The following HYDIN variants were observed in gnomAD, a reference collection of about 807,000 sequenced individuals.
HYDIN encodes the protein HYDIN axonemal central pair apparatus protein, also known as axonemal central pair apparatus protein HYDIN.
Under a neutral mutation model 403.9 loss-of-function variants are expected in HYDIN, and 132 were observed. The ratio of observed to expected loss-of-function variants is 0.33; its 90% CI spans 0.28 to 0.38. The LOEUF (loss-of-function observed/expected upper bound fraction) is 0.38. HYDIN is among the 10% of genes least tolerant of loss of function. The pLI is 1.00. For missense variants in HYDIN, 2,827 were observed against 5,009.5 expected, an observed-to-expected ratio of 0.56 and a Z score of 13.15; for synonymous variants, 1,202 against 1,891.7, an observed-to-expected ratio of 0.64 and a Z score of 9.46.
chr16:70,807,922 G>A lies in HYDIN; in HGVS notation c.15024C>T (p.Leu5008=), dbSNP rs917610916. The A allele has an allele frequency of 1.5e-5, 24 of 1,614,038 alleles. No individual in the cohort carries two copies. The highest frequency in any genetic ancestry group is 8.0e-5 in the African/African-American group (6 of 74,906). The part of the protein sequence containing the change: ...ETKGILILSS[L]AGGEYIIPLF... ...GGGGGATGATATACTCTCCACCTGCGAGCGATGATAGGATCAGGATGCCCT... is the reference window on the plus strand; with the variant it reads ...GGGGGATGATATACTCTCCACCTGCAAGCGATGATAGGATCAGGATGCCCT... Residue 5008 remains leucine (L), a synonymous_variant, in exon 86 of 86, where the codon CTC becomes CTT. Transcript: ENST00000393567.
At chr16:70,930,877 T>C (rs2077299865) in intron 45 of HYDIN, among the ~76,000 whole-genome samples, 2 of 152,208 alleles carry the variant, frequency 1.3e-5, no homozygotes, top group Non-Finnish European at 1.5e-5. Context: ...CAGGATGTGA[T>C]ACAAAATTAC....
intron 1 of HYDIN, among the ~76,000 whole-genome samples, chr16:71,194,526 A>G (rs945283087): frequency 6.6e-6 from 1 of 152,226 alleles, no homozygotes; most frequent in Admixed American, 6.5e-5. Context: ...CATCAGACCT[A>G]GGTTTAAATC....
chr16:70,854,297 C>A (rs2038872932), intron 73 of HYDIN, among the ~76,000 whole-genome samples: 1 of 137,710 alleles, frequency 7.3e-6, no homozygotes, highest in Non-Finnish European at 1.6e-5. Flanking sequence ...TGCAGTGGTG[C>A]AATCTCAGCT....
At chr16:71,184,789 A>G in intron 3 of HYDIN, 76 bp downstream of exon 3, 2 of 1,330,580 alleles carry the variant, frequency 1.5e-6, no homozygotes, top group Non-Finnish European at 2.0e-6. Flanking sequence ...CAAGAAACAA[A>G]TTTTACTTAT....
chr16:71,074,722 A>G (rs919913358), intron 13 of HYDIN, among the ~76,000 whole-genome samples: 2 of 151,148 alleles, frequency 1.3e-5, no homozygotes, highest in African/African-American at 4.9e-5. Context: ...AAAAAAAAAA[A>G]AAAAAAGAAA....
intron 5 of HYDIN, among the ~76,000 whole-genome samples, chr16:71,172,551 G>A (rs2086509930): frequency 6.6e-6 from 1 of 152,062 alleles, no homozygotes; most frequent in Non-Finnish European, 1.5e-5. Context: ...GGAGAGAGAA[G>A]GAAAGCCAAA....
chr16:70,887,214 G>C (rs892158296), intron 58 of HYDIN, among the ~76,000 whole-genome samples: 11 of 152,158 alleles, frequency 7.2e-5, no homozygotes, highest in Admixed American at 6.5e-4. Context: ...TGGAACCTGT[G>C]AATATGTTAC....
chr16:71,106,166 TCC>T (rs1194693300), intron 10 of HYDIN, among the ~76,000 whole-genome samples: 2 of 136,334 alleles, frequency 1.5e-5, no homozygotes, highest in African/African-American at 7.1e-5. Flanking sequence ...CTTCCCTCCC[TCC>T]CTCTCTCTCT....
At chr16:70,812,485 CACAA>C (rs891836231) in intron 84 of HYDIN, among the ~76,000 whole-genome samples, 18 of 151,918 alleles carry the variant, frequency 1.2e-4, no homozygotes, top group African/African-American at 3.6e-4. Context: ...GAGACTCTGT[CACAA>C]ACAAACAAAC....
chr16:71,200,122 G>A (rs1292927781), intron 1 of HYDIN, among the ~76,000 whole-genome samples: 1 of 152,198 alleles, frequency 6.6e-6, no homozygotes, highest in African/African-American at 2.4e-5. Context: ...AAAATGCCAT[G>A]ACAACATCAG....
intron 67 of HYDIN, among the ~76,000 whole-genome samples, chr16:70,863,449 G>T (rs571040579): frequency 5.9e-5 from 9 of 152,066 alleles, no homozygotes; most frequent in African/African-American, 2.2e-4. Flanking sequence ...CCTGTGCAGC[G>T]AGCTCTCAGC....
intron 10 of HYDIN, among the ~76,000 whole-genome samples, chr16:71,106,032 C>T (rs2083603130): frequency 6.6e-6 from 1 of 151,950 alleles, no homozygotes; most frequent in South Asian, 2.1e-4. Context: ...CCATAACATG[C>T]TTAGGGTGCT....
At chr16:71,090,075 CT>C (rs2083068259) in intron 11 of HYDIN, 1 of 104,518 alleles carries the variant, frequency 9.6e-6, no homozygotes, top group Non-Finnish European at 1.8e-5. Context: ...AAGACAGCCT[CT>C]TCTGCCAAGA....
chr16:71,003,287 C>T (rs1354677767), intron 23 of HYDIN, among the ~76,000 whole-genome samples: 1 of 152,156 alleles, frequency 6.6e-6, no homozygotes, highest in Admixed American at 6.5e-5. Context: ...TACATTTAAA[C>T]TATAGATCAC....
chr16:71,028,387 A>G (rs1411981656), intron 19 of HYDIN, among the ~76,000 whole-genome samples: 1 of 151,996 alleles, frequency 6.6e-6, no homozygotes, highest in Non-Finnish European at 1.5e-5. Context: ...TTGGTCACCC[A>G]TCTCAGACTA....
Position 71,020,184 on chromosome 16 carries a change from G to A in HYDIN, c.3320C>T (p.Ala1107Val). The A allele has an allele frequency of 6.2e-7, 1 of 1,613,688 alleles. No individual in the cohort carries two copies. Among genetic ancestry groups the A allele is most frequent in the Admixed American group, 1.7e-5 (1 of 59,994 alleles). The change falls in exon 22 of 86, where the codon GCA (alanine) becomes GTA (valine). Residue 1107 changes from alanine (A) to valine (V), a missense_variant. By Grantham distance (64) the Ala-to-Val change is moderately conservative (BLOSUM62 0). Transcript: ENST00000393567. ...CCCCTATTAAGGTACCTCAGGAGTT[G>A]CCGGCAGCAGGGATTTATCAGTCTC... ...ICETDKSLLP[A>V]TPEPIKLEID... is the part of the protein sequence containing the mutation.
chr16:70,948,729 A>G (rs1158731181), intron 41 of HYDIN, among the ~76,000 whole-genome samples: 3 of 152,078 alleles, frequency 2.0e-5, no homozygotes, highest in Non-Finnish European at 2.9e-5. Flanking sequence ...ACTGGCCATC[A>G]GAGGAATGCA....
chr16:71,178,821 G>T, intron 4 of HYDIN, 107 bp downstream of exon 4: 2 of 910,560 alleles, frequency 2.2e-6, no homozygotes, highest in Non-Finnish European at 3.3e-6. Flanking sequence ...ATTTTCCTAA[G>T]TCTATCAAAT....
intron 75 of HYDIN, among the ~76,000 whole-genome samples, chr16:70,847,461 T>A (rs572694818): frequency 6.6e-6 from 1 of 152,304 alleles, no homozygotes; most frequent in Admixed American, 6.5e-5. Flanking sequence ...CCTTTATTAC[T>A]TCTTGTAGGC....
Sources: gnomAD v4.1 joint callset for allele counts (sites outside exome capture counted in the v4.1 genomes callset) on GRCh38, gnomAD v4.1.1 for gene constraint, MANE v1.5 for transcripts, NCBI Gene and HGNC (gene_info 2026-07-23, HGNC 2026-07-21) for gene names.